Variants in AUTS2 observed in about 807,000 individuals in gnomAD.
AUTS2 encodes activator of transcription and developmental regulator AUTS2.
AUTS2 carries 17 observed loss-of-function variants against 112.4 expected under a neutral mutation model. The ratio of observed to expected loss-of-function variants is 0.15; its 90% CI spans 0.10 to 0.23. The LOEUF (loss-of-function observed/expected upper bound fraction) is 0.23, where lower values mean the gene tolerates loss of function less well. Ranked by LOEUF, AUTS2 falls within the 10% of genes least tolerant of loss-of-function variation. AUTS2 has a pLI of 1.00. For synonymous variants in AUTS2, 751 were observed against 702.7 expected, an observed-to-expected ratio of 1.07 and a Z score of -1.09; for missense variants, 1,510 against 1,701.6, an observed-to-expected ratio of 0.89 and a Z score of 1.98.
intron 2 of AUTS2, among the ~76,000 whole-genome samples, chr7:69,976,390 C>G (rs1368339086): frequency 6.6e-6 from 1 of 152,198 alleles, no homozygotes; most frequent in Non-Finnish European, 1.5e-5. Context: ...TACTGTTTGT[C>G]CATTCATCCA....
chr7:70,174,170 T>C (rs947964065), intron 4 of AUTS2, among the ~76,000 whole-genome samples: 8 of 152,166 alleles, frequency 5.3e-5, no homozygotes, highest in African/African-American at 1.9e-4. Context: ...GATAAGAAAG[T>C]GAAACAGCCC....
chr7:70,727,043 G>A (rs993619673), intron 6 of AUTS2, among the ~76,000 whole-genome samples: 8 of 152,182 alleles, frequency 5.3e-5, no homozygotes, highest in Non-Finnish European at 8.8e-5. Flanking sequence ...TCGTCAGTTA[G>A]CACTGATGAA....
intron 3 of AUTS2, among the ~76,000 whole-genome samples, chr7:70,129,399 G>A (rs1256593643): frequency 6.6e-6 from 1 of 152,156 alleles, no homozygotes; most frequent in Non-Finnish European, 1.5e-5. Flanking sequence ...AGTTTACTCA[G>A]CATATCAATA....
At chr7:70,128,253 A>G (rs1187551562) in intron 3 of AUTS2, among the ~76,000 whole-genome samples, 1 of 152,136 alleles carries the variant, frequency 6.6e-6, no homozygotes, top group Non-Finnish European at 1.5e-5. Context: ...ATGTCAATCA[A>G]ATTTCTTTTA....
At chr7:70,325,656 C>G (rs567985737) in intron 4 of AUTS2, among the ~76,000 whole-genome samples, 9 of 152,154 alleles carry the variant, frequency 5.9e-5, no homozygotes, top group Admixed American at 1.3e-4. Flanking sequence ...ACCCCACCCC[C>G]GATCAGATTC....
In AUTS2 at chr7:70,762,437, A is replaced by AT. The variant is rs879642605; in HGVS notation, c.743-422dup. Among the ~76,000 whole-genome samples, 103 of 146,060 alleles carry AT rather than the reference A, an allele frequency of 7.1e-4. No homozygotes were observed. In the East Asian group the frequency reaches 9.9e-3, roughly 14 times the overall value. On this transcript the variant is annotated intron_variant, in intron 6 of 18. Coordinates refer to ENST00000342771, the MANE Select transcript of AUTS2 (RefSeq NM_015570.4). Reference sequence around the variant, plus strand: ...TAGTACACACCACCACACCTGGCTAATTTTTTTTTTTGTAGAGTCAGGGTC... The same window carrying AT: ...TAGTACACACCACCACACCTGGCTAATTTTTTTTTTTTGTAGAGTCAGGGTC...
intron 3 of AUTS2, 48 bp downstream of exon 3, chr7:70,118,281 C>G: frequency 6.7e-7 from 1 of 1,493,522 alleles, no homozygotes; most frequent in Non-Finnish European, 8.9e-7. Flanking sequence ...ACGAAAACCA[C>G]TAGGCCACAC....
At chr7:69,713,282 C>T (rs933123984) in intron 1 of AUTS2, among the ~76,000 whole-genome samples, 3 of 152,078 alleles carry the variant, frequency 2.0e-5, no homozygotes, top group Non-Finnish European at 4.4e-5. Flanking sequence ...TACAACCCAT[C>T]TTTGGTATCA....
chr7:69,978,892 A>ACGCACG, intron 2 of AUTS2, among the ~76,000 whole-genome samples: 1 of 149,890 alleles, frequency 6.7e-6, no homozygotes, highest in Non-Finnish European at 1.5e-5. Flanking sequence ...ACACACACAC[A>ACGCACG]CACACACACG....
In AUTS2 at chr7:70,266,195, AAT is replaced by A. The variant is rs1171438606; in HGVS notation, c.660+131627_660+131628del. 3.3e-5 allele frequency among the ~76,000 whole-genome samples: 5 copies of A among 152,372 alleles called. No homozygotes were observed. The East Asian group carries it at 5.8e-4, about 18-fold the overall frequency. On this transcript the variant is annotated intron_variant, in intron 4 of 18. Transcript: ENST00000342771. ...AAAATGTGGTGTATCCATAAAGTAG[AAT>A]ATTATGTAGCCATAAGAAAGAATGG...
At chr7:70,169,657 A>G (rs1301228160) in intron 4 of AUTS2, among the ~76,000 whole-genome samples, 2 of 152,218 alleles carry the variant, frequency 1.3e-5, no homozygotes, top group South Asian at 2.1e-4. Context: ...TTTTAAAATT[A>G]TGAGTGCCAT....
chr7:69,901,341 A>G (rs947535708), intron 2 of AUTS2, among the ~76,000 whole-genome samples: 3 of 151,790 alleles, frequency 2.0e-5, no homozygotes, highest in African/African-American at 7.3e-5. Context: ...AGTTAACACC[A>G]AGCTGCGGAT....
intron 2 of AUTS2, among the ~76,000 whole-genome samples, chr7:70,058,287 C>T (rs925904051): frequency 1.3e-5 from 2 of 152,128 alleles, no homozygotes; most frequent in East Asian, 3.9e-4. Context: ...TGGCTTTGTC[C>T]TATACATGTG....
intron 4 of AUTS2, among the ~76,000 whole-genome samples, chr7:70,252,422 C>T (rs764928446): frequency 1.3e-5 from 2 of 151,924 alleles, no homozygotes; most frequent in Non-Finnish European, 2.9e-5. Flanking sequence ...CTATTTAGGC[C>T]CTTTGCCCAT....
intron 1 of AUTS2, among the ~76,000 whole-genome samples, chr7:69,833,592 G>A (rs1458678248): frequency 7.9e-5 from 12 of 151,968 alleles, no homozygotes; most frequent in African/African-American, 1.9e-4. Flanking sequence ...CCACCACCAC[G>A]CCCAGCTAAT....
intron 6 of AUTS2, among the ~76,000 whole-genome samples, chr7:70,737,701 T>G (rs1275440150): frequency 2.0e-5 from 3 of 152,168 alleles, no homozygotes; most frequent in Non-Finnish European, 4.4e-5. Context: ...CATTACTTTC[T>G]TTATTATCAG....
At chr7:70,605,148 C>A (rs1277000196) in intron 5 of AUTS2, among the ~76,000 whole-genome samples, 1 of 152,138 alleles carries the variant, frequency 6.6e-6, no homozygotes, top group Non-Finnish European at 1.5e-5. Flanking sequence ...TAACATTTTC[C>A]ATTTTTCACT....
chr7:70,034,274 CTG>C (rs1237156910), intron 2 of AUTS2, among the ~76,000 whole-genome samples: 2 of 152,180 alleles, frequency 1.3e-5, no homozygotes, highest in Admixed American at 1.3e-4. Context: ...CATTCCTACT[CTG>C]TCTCTTCCCA....
At chr7:70,789,029 G>A (rs1791700684) in intron 18 of AUTS2, among the ~76,000 whole-genome samples, 1 of 152,196 alleles carries the variant, frequency 6.6e-6, no homozygotes, top group Non-Finnish European at 1.5e-5. Flanking sequence ...ATGTCCCCAT[G>A]AGGTTTCGTG....
Sources: allele counts gnomAD v4.1 joint callset (sites outside exome capture counted in the v4.1 genomes callset), GRCh38; gene constraint gnomAD v4.1.1; transcripts MANE v1.5; gene names NCBI Gene and HGNC (gene_info 2026-07-23, HGNC 2026-07-21).